The following ETV7 variants were observed in gnomAD, a reference collection of about 807,000 sequenced individuals.
ETV7 encodes the protein transcription factor ETV7.
Under a neutral mutation model 39.1 loss-of-function variants are expected in ETV7, and 43 were observed. The observed-to-expected ratio is 1.10, with a 90% CI of 0.86 to 1.42. The LOEUF (loss-of-function observed/expected upper bound fraction) is 1.42, where lower values mean the gene tolerates loss of function less well. Among genes scored for constraint, ETV7 ranks in the 40% most tolerant of loss-of-function variants. The pLI is 0.00. For synonymous variants in ETV7, 196 were observed against 176.6 expected (o/e 1.11, Z -0.87); for missense variants, 432 against 442.3 (o/e 0.98, Z 0.21).
intron 4 of ETV7, among the ~76,000 whole-genome samples, chr6:36,372,939 C>T (rs1299474528): frequency 1.3e-5 from 2 of 151,576 alleles, no homozygotes; most frequent in African/African-American, 2.4e-5. Context: ...AGGGGTACCC[C>T]AACATCTAGA....
chr6:36,387,408 T>C, intron 1 of ETV7, 128 bp downstream of exon 1: 4 of 1,345,548 alleles, frequency 3.0e-6, no homozygotes, highest in Non-Finnish European at 4.2e-6. Flanking sequence ...TAGGAATGTG[T>C]TGGAAAGAGA....
chr6:36,382,766 G>T (rs1305995683), intron 2 of ETV7, among the ~76,000 whole-genome samples: 1 of 152,136 alleles, frequency 6.6e-6, no homozygotes, highest in Non-Finnish European at 1.5e-5. Context: ...CTCTTCCCAT[G>T]GCTTATTTAC....
At position 36,366,662 on chromosome 6, in the gene ETV7, G is replaced by T. The variant is rs1772734611; in HGVS notation, c.1009C>A (p.Pro337Thr). ...QDRIEFKDKR[P>T]EISP ...CCTGCCCCTCACGGAGAGATTTCTG[G>T]CCTCTTGTCCTTGAACTCTATTCTG... The change falls in exon 8 of 8, where the codon CCA becomes ACA. Residue 337 changes from proline to threonine, a missense_variant. By Grantham distance (38) the Pro-to-Thr change is conservative. Transcript: ENST00000340181. 1.2e-6 allele frequency: 2 copies of T among 1,614,112 alleles called. No individual in the cohort carries two copies. Among genetic ancestry groups the T allele is most frequent in the Admixed American group, 1.7e-5 (1 of 60,028 alleles).
chr6:36,357,570 G>A (rs1407814229), intron 7 of ETV7, among the ~76,000 whole-genome samples: 1 of 152,120 alleles, frequency 6.6e-6, no homozygotes, highest in Non-Finnish European at 1.5e-5. Context: ...GAAATGATGG[G>A]CGCCTCCCAT....
chr6:36,364,644 G>A (rs1202268747), downstream of ETV7, among the ~76,000 whole-genome samples: 2 of 152,350 alleles, frequency 1.3e-5, no homozygotes, highest in South Asian at 4.1e-4. Context: ...TGAGGGAGCC[G>A]GCTCTGGCCT....
At chr6:36,360,541 G>A (rs978841135) in intron 7 of ETV7, among the ~76,000 whole-genome samples, 1 of 151,990 alleles carries the variant, frequency 6.6e-6, no homozygotes, top group African/African-American at 2.4e-5. Context: ...AGCAGGGCCT[G>A]GATGTCTACT....
chr6:36,366,621 G>C lies in ETV7; in HGVS notation c.*24C>G. Reference sequence around the variant, plus strand: ...ACTCGGTCCCTGCCCCATCGGTACCGGGTGCCTGGAGTCCACCTGCCCCTC... The same window carrying C: ...ACTCGGTCCCTGCCCCATCGGTACCCGGTGCCTGGAGTCCACCTGCCCCTC... On this transcript the variant is annotated 3_prime_UTR_variant, in exon 8 of 8. Coordinates refer to ENST00000340181, the MANE Select transcript of ETV7 (RefSeq NM_016135.4). 6.2e-7 allele frequency: 1 copy of C among 1,614,036 alleles called. No individual in the cohort carries two copies. Among genetic ancestry groups the C allele is most frequent in the Non-Finnish European group, 8.5e-7 (1 of 1,179,982 alleles).
downstream of ETV7, among the ~76,000 whole-genome samples, chr6:36,365,099 G>C (rs1182469349): frequency 3.9e-5 from 6 of 152,196 alleles, no homozygotes; most frequent in Non-Finnish European, 7.3e-5. Context: ...GACCGGCTGG[G>C]GGCAAGAGGC....
chr6:36,360,620 ACATT>A (rs897847934), intron 7 of ETV7, among the ~76,000 whole-genome samples: 1 of 152,148 alleles, frequency 6.6e-6, no homozygotes, highest in Non-Finnish European at 1.5e-5. Flanking sequence ...TGTCCATAGA[ACATT>A]CAGTCAGCCA....
At chr6:36,386,535 C>T (rs1773909399) in intron 1 of ETV7, among the ~76,000 whole-genome samples, 1 of 152,166 alleles carries the variant, frequency 6.6e-6, no homozygotes, top group South Asian at 2.1e-4. Flanking sequence ...GGCTCATGCC[C>T]AGCCACAGGC....
At chr6:36,361,794 T>G (rs937490677), downstream of ETV7, among the ~76,000 whole-genome samples, 4 of 152,250 alleles carry the variant, frequency 2.6e-5, no homozygotes, top group Non-Finnish European at 5.9e-5. Context: ...CTTTATCTAT[T>G]GTCAGTTCTT....
Position 36,373,574 on chromosome 6 carries a change from G to A in ETV7, c.312C>T (p.Asp104=), listed in dbSNP as rs550098555. Residue 104 remains aspartate, a synonymous_variant, in exon 4 of 8, where the codon GAC becomes GAT. Transcript: ENST00000340181. The part of the protein sequence containing the change: ...DFRHRAPSSG[D]VLYELLQYIK... ...TGTACTGGAGCAGCTCATACAGGAC[G>A]TCACCTGGAGGTGGGTGGGAGGGAG... 37 of 907,234 alleles carry A rather than the reference G, an allele frequency of 4.1e-5. No homozygotes were observed. Among genetic ancestry groups the A allele is most frequent in the South Asian group, 4.0e-4 (27 of 68,202 alleles). The allele number at this position is 907,234 out of a possible 1,614,324, so 56.2% of individuals were successfully genotyped here.
At chr6:36,383,213 C>T (rs1182723728) in intron 2 of ETV7, among the ~76,000 whole-genome samples, 1 of 152,194 alleles carries the variant, frequency 6.6e-6, no homozygotes, top group East Asian at 1.9e-4. Context: ...TGGCCATGGA[C>T]CGGGGATGGG....
chr6:36,377,075 C>G (rs1371560654), intron 2 of ETV7, among the ~76,000 whole-genome samples: 1 of 152,220 alleles, frequency 6.6e-6, no homozygotes, highest in Non-Finnish European at 1.5e-5. Flanking sequence ...CCTGGGACTG[C>G]TACGCTCCTA....
chr6:36,365,568 G>C (rs1368942689), downstream of ETV7, among the ~76,000 whole-genome samples: 1 of 152,172 alleles, frequency 6.6e-6, no homozygotes, highest in East Asian at 1.9e-4. Context: ...CAAGTGTGGG[G>C]ACGGGGGCCA....
At chr6:36,379,892 G>T (rs1228255697) in intron 2 of ETV7, among the ~76,000 whole-genome samples, 1 of 148,506 alleles carries the variant, frequency 6.7e-6, no homozygotes, top group Non-Finnish European at 1.5e-5. Context: ...AAAAAAAAAA[G>T]TAAAAACATA....
chr6:36,362,420 A>T (rs560239492), downstream of ETV7, among the ~76,000 whole-genome samples: 9 of 152,288 alleles, frequency 5.9e-5, no homozygotes, highest in Middle Eastern at 3.4e-3. Context: ...CTGAGATCAC[A>T]ACACTGCACT....
At chr6:36,360,863 G>A (rs7768083) in intron 7 of ETV7, among the ~76,000 whole-genome samples, 1 of 152,136 alleles carries the variant, frequency 6.6e-6, no homozygotes, top group Admixed American at 6.5e-5. Context: ...GTGATTCTCC[G>A]GAGGGAAACT....
intron 2 of ETV7, among the ~76,000 whole-genome samples, chr6:36,376,573 T>C (rs1040582920): frequency 6.6e-5 from 10 of 152,070 alleles, no homozygotes; most frequent in East Asian, 1.9e-4. Flanking sequence ...GTCAGGAGAT[T>C]CAAACCATCC....
Sources: allele counts gnomAD v4.1 joint callset (sites outside exome capture counted in the v4.1 genomes callset), GRCh38; gene constraint gnomAD v4.1.1; transcripts MANE v1.5; gene names NCBI Gene and HGNC (gene_info 2026-07-23, HGNC 2026-07-21).